CDH18: variants seen among roughly 807,000 people sequenced by gnomAD.
CDH18 encodes cadherin-18.
A neutral mutation model predicts 67.9 loss-of-function variants in CDH18; 31 were observed. That is an observed-to-expected ratio of 0.46 (90% CI 0.34 to 0.62). CDH18 has a LOEUF of 0.62. CDH18 is among the 20% of genes least tolerant of loss of function. The pLI, the probability that CDH18 is intolerant of heterozygous loss-of-function variation, is 0.01. For synonymous variants in CDH18, 362 were observed against 347.2 expected (o/e 1.04, Z -0.48); for missense variants, 890 against 975.5 (o/e 0.91, Z 1.17).
intron 2 of CDH18, among the ~76,000 whole-genome samples, chr5:20,000,788 A>G (rs1231544281): frequency 2.0e-5 from 3 of 152,092 alleles, no homozygotes; most frequent in African/African-American, 7.2e-5. Context: ...AGCAGGTGAA[A>G]TATGAGAATG....
chr5:20,490,472 A>G (rs1020406306), intron 1 of CDH18, among the ~76,000 whole-genome samples: 1 of 152,148 alleles, frequency 6.6e-6, no homozygotes, highest in African/African-American at 2.4e-5. Flanking sequence ...TAAACAATCA[A>G]AGTTCTATTA....
intron 11 of CDH18, among the ~76,000 whole-genome samples, chr5:19,498,550 C>T (rs377369120): frequency 1.8e-4 from 27 of 152,242 alleles, no homozygotes; most frequent in African/African-American, 4.8e-4. Context: ...CTTTAGAAAT[C>T]GTACTACATC....
Position 19,898,512 on chromosome 5 carries a change from CAG to C in CDH18, c.-256-59272_-256-59271del, listed in dbSNP as rs547189824. On this transcript the variant is annotated intron_variant, in intron 2 of 12. Coordinates refer to ENST00000382275, the MANE Select transcript of CDH18 (RefSeq NM_004934.5). ...CCAGCTCTGCTTATTGAAAATTTAG[CAG>C]AGGGGATTACTAATAAAGGGTTAGT... Among the ~76,000 whole-genome samples, 874 of 151,566 alleles carry C rather than the reference CAG, an allele frequency of 5.8e-3. 12 individuals carry two copies. Among genetic ancestry groups the C allele is most frequent in the African/African-American group, 0.02 (830 of 41,340 alleles).
chr5:20,178,810 C>A (rs1326388485), intron 2 of CDH18, among the ~76,000 whole-genome samples: 1 of 151,986 alleles, frequency 6.6e-6, no homozygotes, highest in Non-Finnish European at 1.5e-5. Context: ...ACGGATGAGA[C>A]CATGGAGGCA....
chr5:20,040,622 G>A (rs2150471446), intron 2 of CDH18, among the ~76,000 whole-genome samples: 1 of 152,264 alleles, frequency 6.6e-6, no homozygotes, highest in African/African-American at 2.4e-5. Context: ...TAGCTTCAAT[G>A]AGCAAAATAT....
chr5:20,376,109 T>TTTTTTTTTTTTTTTTTTTTTTTTA, intron 1 of CDH18, among the ~76,000 whole-genome samples: 1 of 126,248 alleles, frequency 7.9e-6, no homozygotes. Flanking sequence ...TTTTTTTTTT[T>TTTTTTTTTTTTTTTTTTTTTTTTA]TTGAGACGGA....
intron 2 of CDH18, among the ~76,000 whole-genome samples, chr5:20,057,705 G>A (rs1310573146): frequency 6.6e-6 from 1 of 152,042 alleles, no homozygotes; most frequent in South Asian, 2.1e-4. Flanking sequence ...GTCAACTGCA[G>A]TTTCTACTCT....
chr5:20,338,472 G>T (rs929503243), intron 1 of CDH18, among the ~76,000 whole-genome samples: 1 of 152,090 alleles, frequency 6.6e-6, no homozygotes, highest in Non-Finnish European at 1.5e-5. Flanking sequence ...ACACTCCTCC[G>T]GCCTCTCATC....
At chr5:19,587,979 GTTC>G (rs1452349601) in intron 7 of CDH18, among the ~76,000 whole-genome samples, 9 of 151,986 alleles carry the variant, frequency 5.9e-5, no homozygotes, top group African/African-American at 9.7e-5. Context: ...GTGGTTTGTA[GTTC>G]TTCTTGAATA....
intron 1 of CDH18, among the ~76,000 whole-genome samples, chr5:20,494,731 G>T (rs975249643): frequency 2.0e-5 from 3 of 152,106 alleles, no homozygotes; most frequent in Non-Finnish European, 2.9e-5. Flanking sequence ...TTCTTGATGG[G>T]CTTTCTATGG....
At chr5:19,811,078 A>AAAAG (rs573517217) in intron 3 of CDH18, among the ~76,000 whole-genome samples, 22 of 124,884 alleles carry the variant, frequency 1.8e-4, no homozygotes, top group East Asian at 1.1e-3. Context: ...GAGAAAGAGA[A>AAAAG]AAAGAAAGAA....
intron 1 of CDH18, among the ~76,000 whole-genome samples, chr5:20,538,497 C>T (rs552844654): frequency 6.6e-6 from 1 of 152,232 alleles, no homozygotes; most frequent in East Asian, 1.9e-4. Context: ...TAACAAGCTG[C>T]TCAGTAGCTT....
chr5:20,486,568 C>T (rs1188178965), intron 1 of CDH18, among the ~76,000 whole-genome samples: 1 of 151,666 alleles, frequency 6.6e-6, no homozygotes. Context: ...GGGAGCTGAA[C>T]TGATGAATTT....
At chr5:20,344,265 G>A (rs554071937) in intron 1 of CDH18, among the ~76,000 whole-genome samples, 1 of 152,110 alleles carries the variant, frequency 6.6e-6, no homozygotes, top group Non-Finnish European at 1.5e-5. Context: ...GGTTATTAAT[G>A]CTTGTGAAAT....
At chr5:19,838,052 T>A (rs1199161159) in intron 3 of CDH18, among the ~76,000 whole-genome samples, 1 of 152,180 alleles carries the variant, frequency 6.6e-6, no homozygotes, top group Admixed American at 6.6e-5. Context: ...AGTTTTCGTG[T>A]CTGCATTTTT....
intron 2 of CDH18, among the ~76,000 whole-genome samples, chr5:20,127,834 A>T (rs1748955910): frequency 1.3e-5 from 2 of 152,140 alleles, no homozygotes; most frequent in African/African-American, 4.8e-5. Flanking sequence ...AGTAAATATC[A>T]TGTCATGTGT....
intron 1 of CDH18, among the ~76,000 whole-genome samples, chr5:20,256,954 TATCTATCTA>T (rs1744282799): frequency 7.4e-6 from 1 of 135,838 alleles, no homozygotes; most frequent in South Asian, 2.5e-4. Flanking sequence ...TCTATCTATC[TATCTATCTA>T]ATCTATCTAT....
chr5:20,231,244 A>G (rs940071536), intron 2 of CDH18, among the ~76,000 whole-genome samples: 1 of 152,212 alleles, frequency 6.6e-6, no homozygotes, highest in Non-Finnish European at 1.5e-5. Context: ...CCCTAGTGGT[A>G]TGTGAATCAT....
At chr5:19,512,747 A>C (rs1745311410) in intron 10 of CDH18, among the ~76,000 whole-genome samples, 1 of 152,076 alleles carries the variant, frequency 6.6e-6, no homozygotes, top group Admixed American at 6.6e-5. Flanking sequence ...CTGATTAGGT[A>C]GGTTTTTATT....
Sources: allele counts gnomAD v4.1 joint callset (sites outside exome capture counted in the v4.1 genomes callset), GRCh38; gene constraint gnomAD v4.1.1; transcripts MANE v1.5; gene names NCBI Gene and HGNC (gene_info 2026-07-23, HGNC 2026-07-21).